CFAP44: variants seen among roughly 807,000 people sequenced by gnomAD.
CFAP44 encodes cilia and flagella associated protein 44.
CFAP44 carries 134 observed loss-of-function variants against 216.2 expected under a neutral mutation model. That is an observed-to-expected ratio of 0.62 (90% confidence interval 0.54 to 0.72). CFAP44 has a LOEUF of 0.72. Ranked by LOEUF, CFAP44 falls within the 30% of genes least tolerant of loss-of-function variation. The pLI, the probability that CFAP44 is intolerant of heterozygous loss-of-function variation, is 0.00. For synonymous variants in CFAP44, 700 were observed against 727.6 expected (o/e 0.96, Z 0.61); for missense variants, 2,035 against 2,182.1 (o/e 0.93, Z 1.34).
intron 22 of CFAP44, among the ~76,000 whole-genome samples, chr3:113,358,535 T>C (rs1950511792): frequency 6.6e-6 from 1 of 152,194 alleles, no homozygotes; most frequent in South Asian, 2.1e-4. Flanking sequence ...ATGTAAGTGT[T>C]AAACAAATTT....
At chr3:113,393,110 TG>T (rs1420395680) in intron 15 of CFAP44, among the ~76,000 whole-genome samples, 1 of 152,218 alleles carries the variant, frequency 6.6e-6, no homozygotes, top group African/African-American at 2.4e-5. Context: ...TAATACGTTA[TG>T]CTCAGATATG....
Position 113,318,992 on chromosome 3 carries a change from A to C in CFAP44, c.4516+7453T>G, listed in dbSNP as rs147034055. 1.5e-3 allele frequency among the ~76,000 whole-genome samples: 229 copies of C among 152,286 alleles called. 1 individual carries two copies. Among genetic ancestry groups the C allele is most frequent in the African/African-American group, 5.3e-3 (220 of 41,564 alleles). ...CAAAAAAAAAACAATACCCTTTAGC[A>C]CACAGCTGGCAGGCACTATAAAGCA... On this transcript the variant is annotated intron_variant, in intron 28 of 34. Transcript: ENST00000393845.
At chr3:113,335,368 C>G (rs1200417381) in intron 24 of CFAP44, among the ~76,000 whole-genome samples, 1 of 152,142 alleles carries the variant, frequency 6.6e-6, no homozygotes, top group Non-Finnish European at 1.5e-5. Flanking sequence ...ACTGAAGAGA[C>G]AGAGATCAGA....
intron 22 of CFAP44, among the ~76,000 whole-genome samples, chr3:113,353,499 A>ACAC (rs1398110288): frequency 6.9e-6 from 1 of 143,958 alleles, no homozygotes; most frequent in South Asian, 2.4e-4. Flanking sequence ...CACACACACA[A>ACAC]AACTTATATA....
At chr3:113,340,077 C>T (rs1377811425) in intron 24 of CFAP44, among the ~76,000 whole-genome samples, 1 of 152,146 alleles carries the variant, frequency 6.6e-6, no homozygotes, top group Non-Finnish European at 1.5e-5. Flanking sequence ...CTTTCTCCCG[C>T]CCTGCTCGTG....
chr3:113,362,018 G>C (rs1979553), intron 21 of CFAP44, among the ~76,000 whole-genome samples: 1,792 of 151,566 alleles, frequency 0.012, 27 homozygotes, highest in African/African-American at 0.041. Flanking sequence ...GGTTCCTCAA[G>C]GATAACTGCC....
At chr3:113,410,365 G>A (rs890649535) in intron 6 of CFAP44, among the ~76,000 whole-genome samples, 1 of 151,924 alleles carries the variant, frequency 6.6e-6, no homozygotes, top group African/African-American at 2.4e-5. Flanking sequence ...GTTCTCATTG[G>A]TCAATTCCCA....
At chr3:113,304,757 G>A (rs1307274613) in intron 31 of CFAP44, among the ~76,000 whole-genome samples, 3 of 152,206 alleles carry the variant, frequency 2.0e-5, no homozygotes, top group South Asian at 2.1e-4. Flanking sequence ...CACCCTCTGA[G>A]CCATTGCATT....
chr3:113,345,155 TTATAA>T (rs925007251), intron 22 of CFAP44, among the ~76,000 whole-genome samples: 2 of 148,680 alleles, frequency 1.3e-5, no homozygotes, highest in Non-Finnish European at 3.0e-5. Context: ...ATAATAGATA[TTATAA>T]TAGATATATA....
At chr3:113,294,656 C>T (rs1460491923) in intron 34 of CFAP44, 31 bp downstream of exon 34, 5 of 1,489,510 alleles carry the variant, frequency 3.4e-6, no homozygotes, top group South Asian at 1.3e-5. Flanking sequence ...TTCCTCAATT[C>T]CGAAAAAGGG....
chr3:113,327,925 TATGG>T, intron 26 of CFAP44, 106 bp from the exon 27 acceptor site: 1 of 974,382 alleles, frequency 1.0e-6, no homozygotes. Flanking sequence ...ATTATGCCCT[TATGG>T]ATGGAGAATT....
rs1949825743 is a variant in CFAP44, at chr3:113,291,206, C to T, written c.*351G>A. The T allele has an allele frequency of 1.1e-5, 2 of 177,588 alleles. No homozygotes were observed. The highest frequency in any genetic ancestry group is 1.4e-4 in the East Asian group (1 of 6,928). The allele number at this position is 177,588 out of a possible 1,614,324, so 11.0% of individuals were successfully genotyped here. ...AATTGCTGAATGATAGTTTTTCTTG[C>T]CAAGGGCTAAAAATTCAGGATACCC... On this transcript the variant is annotated 3_prime_UTR_variant, in exon 35 of 35. Transcript: ENST00000393845.
At chr3:113,387,217 G>C (rs966792866) in intron 15 of CFAP44, among the ~76,000 whole-genome samples, 1 of 152,246 alleles carries the variant, frequency 6.6e-6, no homozygotes, top group Non-Finnish European at 1.5e-5. Flanking sequence ...GGGTGGCCAA[G>C]AGAGTGTCTG....
Position 113,291,688 on chromosome 3 carries a change from A to G in CFAP44, c.5434T>C (p.Leu1812=), listed in dbSNP as rs1462339646. 6 of 1,537,164 alleles carry G rather than the reference A, an allele frequency of 3.9e-6. No individual in the cohort carries two copies. The highest frequency in any genetic ancestry group is 5.2e-6 in the Non-Finnish European group (6 of 1,146,992). Residue 1812 remains leucine (L), a synonymous_variant, in exon 35 of 35, where the codon TTG becomes CTG. Transcript: ENST00000393845. The part of the protein sequence containing the change: ...DVVAREEVTE[L]IQLQAERISA... The stretch of plus-strand genomic sequence containing the variant: ...ATCCTTTCCGCCTGGAGTTGGATCA[A>G]TTCAGTGACCTCCTCTCTTGCCACA...
intron 28 of CFAP44, among the ~76,000 whole-genome samples, chr3:113,308,934 A>G (rs939060325): frequency 6.6e-6 from 1 of 152,200 alleles, no homozygotes; most frequent in Admixed American, 6.5e-5. Flanking sequence ...GTTATCTGAA[A>G]TAAAGTAATG....
intron 28 of CFAP44, among the ~76,000 whole-genome samples, chr3:113,322,790 T>C (rs747641652): frequency 2.0e-5 from 3 of 152,240 alleles, no homozygotes; most frequent in African/African-American, 4.8e-5. Context: ...CTCATGTTCA[T>C]TGCCATGTGT....
Position 113,330,158 on chromosome 3 carries a change from C to A in CFAP44, c.4116+10G>T. 1 of 1,511,036 alleles carries A rather than the reference C, an allele frequency of 6.6e-7. No homozygotes were observed. The highest frequency in any genetic ancestry group is 1.3e-5 in the South Asian group (1 of 78,254). The allele number at this position is 1,511,036 out of a possible 1,614,324, so 93.6% of individuals were successfully genotyped here. ...TTTCAGCTTTAACTAGGAACAGGTT[C>A]ACCCCTTACCCTGTTGACCAAATAC... On this transcript the variant is annotated intron_variant, in intron 26 of 34. Transcript: ENST00000393845.
Position 113,303,924 on chromosome 3 carries a change from GT to G in CFAP44, c.5068del (p.Thr1690ProfsTer13). The G allele has an allele frequency of 6.5e-7, 1 of 1,537,544 alleles. No homozygotes were observed. On this transcript the variant is annotated frameshift_variant, in exon 32 of 35. Transcript: ENST00000393845. LOFTEE classifies it high-confidence loss of function. ...TGGGCTTAGATACTCACTGTGTATG[GT>G]TTTTGTCATTTCTCTCTTTTCTCGG... The part of the protein sequence containing the change: ...LIREKREMTK[T>X]IHKMEETVRQ...
chr3:113,330,443 G>A lies in CFAP44; in HGVS notation c.3841C>T (p.Gln1281Ter). The A allele has an allele frequency of 1.3e-6, 2 of 1,537,218 alleles. No individual in the cohort carries two copies. The highest frequency in any genetic ancestry group is 1.7e-6 in the Non-Finnish European group (2 of 1,146,896). Residue 1281 changes from glutamine to a stop codon, truncating the protein, a stop_gained, in exon 26 of 35, where the codon CAA (glutamine) becomes TAA (stop). Coordinates refer to ENST00000393845, the MANE Select transcript of CFAP44 (RefSeq NM_001164496.2). LOFTEE classifies it high-confidence loss of function. The stretch of plus-strand genomic sequence containing the variant: ...TCATCTTTACTTTTCATTTGCTGTT[G>A]CTTAAAATTTAGGAGAGTTTCTTCA... Reference protein sequence around the residue: ...YDEETLLNFKQQQMKSKDEKS... With the variant: ...YDEETLLNFK
Sources: gnomAD v4.1 joint callset for allele counts (sites outside exome capture counted in the v4.1 genomes callset) on GRCh38, gnomAD v4.1.1 for gene constraint, MANE v1.5 for transcripts, NCBI Gene and HGNC (gene_info 2026-07-23, HGNC 2026-07-21) for gene names.